The following C15orf39 variants were observed in gnomAD, a reference collection of about 807,000 sequenced individuals.
C15orf39 encodes uncharacterized protein C15orf39.
A neutral mutation model predicts 53.9 loss-of-function variants in C15orf39; 24 were observed. The observed-to-expected ratio is 0.45, with a 90% CI of 0.32 to 0.63. C15orf39 has a LOEUF of 0.63. C15orf39 is among the 20% of genes least tolerant of loss of function. The probability of loss-of-function intolerance (pLI) is 0.04; values close to 1 mark genes in which losing one functional copy is unlikely to be tolerated. For missense variants in C15orf39, 1,271 were observed against 1,347.9 expected, an observed-to-expected ratio of 0.94 and a Z score of 0.89; for synonymous variants, 569 against 576.5, an observed-to-expected ratio of 0.99 and a Z score of 0.19.
At chr15:75,201,137 T>G (rs1238324784), upstream of C15orf39, among the ~76,000 whole-genome samples, 2 of 152,016 alleles carry the variant, frequency 1.3e-5, no homozygotes, top group African/African-American at 4.8e-5. This position sits in a 1 kb window ranked among gnomAD's most constrained non-coding sequence, Gnocchi z 4.7. Context: ...ACTGAGGGGC[T>G]CTCATCCACA....
intron 2 of C15orf39, among the ~76,000 whole-genome samples, chr15:75,210,445 C>T (rs1406978718): frequency 6.6e-6 from 1 of 152,178 alleles, no homozygotes; most frequent in African/African-American, 2.4e-5. Context: ...CTCAGTTTTC[C>T]ATCTGAGCAA....
In C15orf39 at chr15:75,208,260, GC is replaced by G. The variant is rs1413705419; in HGVS notation, c.2215del (p.Arg739GlyfsTer56). 2 of 1,597,380 alleles carry G rather than the reference GC, an allele frequency of 1.3e-6. No individual in the cohort carries two copies. Among genetic ancestry groups the G allele is most frequent in the Non-Finnish European group, 1.7e-6 (2 of 1,171,582 alleles). ...APARAQAPAS[A>X]RDPAPAPAPV... ...GGCTCGAGCTCAGGCTCCAGCTTCA[GC>G]CCGGGATCCAGCTCCAGCTCCAGCT... On this transcript the variant is annotated frameshift_variant, in exon 2 of 3. Coordinates refer to ENST00000394987, the MANE Select transcript of C15orf39 (RefSeq NM_015492.5). LOFTEE classifies it high-confidence loss of function.
chr15:75,211,110 C>T lies in C15orf39; in HGVS notation c.3138C>T (p.His1046=). ...AGCTGCTGGACAGCCAGAGCCATCA[C>T]CTGTAGCACTGGTTGCCAGTGCTGT... ...CPQLLDSQSH[H]L The change falls in exon 3 of 3, where the codon CAC becomes CAT. Residue 1046 remains histidine (H), a synonymous_variant. Transcript: ENST00000394987. 1 of 1,594,856 alleles carries T rather than the reference C, an allele frequency of 6.3e-7. No individual in the cohort carries two copies. Among genetic ancestry groups the T allele is most frequent in the Non-Finnish European group, 8.5e-7 (1 of 1,176,944 alleles).
chr15:75,205,760 G>A (rs556844726), intron 1 of C15orf39, among the ~76,000 whole-genome samples: 1 of 152,222 alleles, frequency 6.6e-6, no homozygotes, highest in South Asian at 2.1e-4. Context: ...AGACTGCGGT[G>A]AGCCAAGTTC....
chr15:75,201,758 C>A (rs2141593505), upstream of C15orf39: 1 of 152,196 alleles, frequency 6.6e-6, no homozygotes, highest in Middle Eastern at 3.4e-3. The surrounding 1 kb of genome is among the most constrained non-coding windows in gnomAD (Gnocchi z 4.7). Context: ...GCTGGCCCCA[C>A]GCGGGCCCTC....
Position 75,207,991 on chromosome 15 carries a change from C to T in C15orf39, c.1943C>T (p.Ala648Val). Residue 648 changes from alanine to valine, a missense_variant, in exon 2 of 3, where the codon GCC becomes GTC. Ala to Val is a moderately conservative substitution (Grantham distance 64). Coordinates refer to ENST00000394987, the MANE Select transcript of C15orf39 (RefSeq NM_015492.5). ...AGGACCAACTTCCACAGCTCTGTGG[C>T]CTTCATGTTCCGAAAGTTCAAGATC... ...MPRTNFHSSV[A>V]FMFRKFKILR... 1 of 1,614,056 alleles carries T rather than the reference C, an allele frequency of 6.2e-7. No individual in the cohort carries two copies. The highest frequency in any genetic ancestry group is 8.5e-7 in the Non-Finnish European group (1 of 1,180,034).
rs1409867968 is a variant in C15orf39 at position 75,207,167 on chromosome 15, C to T, written c.1119C>T (p.Pro373=). Reference sequence around the variant, plus strand: ...CACGGTGCCCATTGGACTTTGCCCCCCAGACACTGAGTTTTCCTTATGCCC... The same window carrying T: ...CACGGTGCCCATTGGACTTTGCCCCTCAGACACTGAGTTTTCCTTATGCCC... ...LTPRCPLDFA[P]QTLSFPYARD... The change falls in exon 2 of 3, where the codon CCC becomes CCT. Residue 373 remains proline, a synonymous_variant. Transcript: ENST00000394987. 1.9e-6 allele frequency: 3 copies of T among 1,613,816 alleles called. No individual in the cohort carries two copies. Among genetic ancestry groups the T allele is most frequent in the African/African-American group, 2.7e-5 (2 of 74,908 alleles).
In C15orf39 at chr15:75,208,528, G is replaced by A. The variant is rs765883591; in HGVS notation, c.2480G>A (p.Arg827His). 55 of 1,577,040 alleles carry A rather than the reference G, an allele frequency of 3.5e-5. No homozygotes were observed. Among genetic ancestry groups the A allele is most frequent in the East Asian group, 7.0e-5 (3 of 43,114 alleles). The change falls in exon 2 of 3, where the codon CGC (arginine) becomes CAC (histidine). Residue 827 changes from arginine (R) to histidine (H), a missense_variant. Physicochemically the swap from Arg to His is conservative, Grantham distance 29. This residue lies in a region of C15orf39 where 277 missense variants were observed against 354.1 expected (regional missense o/e 0.78). Coordinates refer to ENST00000394987, the MANE Select transcript of C15orf39 (RefSeq NM_015492.5). ...KLLSQLQRFD[R>H]THRCPFPHVV... is the part of the protein sequence containing the mutation. ...CTGTCTCAGCTGCAGCGCTTCGATC[G>A]CACCCACCGGTGCCCCTTCCCCCAT... is the stretch of plus-strand genomic sequence containing the variant.
chr15:75,199,449 T>C (rs2070388676), upstream of C15orf39, among the ~76,000 whole-genome samples: 1 of 152,190 alleles, frequency 6.6e-6, no homozygotes, highest in South Asian at 2.1e-4. Context: ...AAAGGTGCCA[T>C]ACTTCTCTGT....
chr15:75,206,335 C>T lies in C15orf39; in HGVS notation c.287C>T (p.Ser96Leu), dbSNP rs370180250. The change falls in exon 2 of 3, where the codon TCG becomes TTG. Residue 96 changes from serine to leucine, a missense_variant. This residue lies in a region of C15orf39 where 994 missense variants were observed against 993.7 expected (regional missense o/e 1.00). Coordinates refer to ENST00000394987, the MANE Select transcript of C15orf39 (RefSeq NM_015492.5). Reference protein sequence around the residue: ...NLLTNCLFYRSPAEGPEKMQD... With the variant: ...NLLTNCLFYRLPAEGPEKMQD... ...CTGACCAACTGCCTGTTCTACCGCT[C>T]GCCAGCAGAAGGCCCTGAGAAGATG... is the stretch of plus-strand genomic sequence containing the variant. 13 of 1,613,956 alleles carry T rather than the reference C, an allele frequency of 8.1e-6. No individual in the cohort carries two copies. Among genetic ancestry groups the T allele is most frequent in the South Asian group, 6.6e-5 (6 of 91,080 alleles).
rs148696243 is a variant in C15orf39 at position 75,207,891 on chromosome 15, C to A, written c.1843C>A (p.Leu615Met). 5.6e-5 allele frequency: 90 copies of A among 1,613,562 alleles called. No homozygotes were observed. In the Middle Eastern group the frequency reaches 8.2e-4, roughly 15 times the overall value. ...AGATGTGGGCAACATGGTGTCAGATCTGCCAGGCCTGAAAAAGATAGACAC... is the reference window on the plus strand; with the variant it reads ...AGATGTGGGCAACATGGTGTCAGATATGCCAGGCCTGAAAAAGATAGACAC... ...VPDVGNMVSDLPGLKKIDTEA... is the reference protein window; with the variant it reads ...VPDVGNMVSDMPGLKKIDTEA... The change falls in exon 2 of 3, where the codon CTG (leucine) becomes ATG (methionine). Residue 615 changes from leucine to methionine, a missense_variant. By Grantham distance (15) the Leu-to-Met change is conservative. Transcript: ENST00000394987.
At position 75,206,389 on chromosome 15, in the gene C15orf39, C is replaced by T; in HGVS notation, c.341C>T (p.Pro114Leu). ...MQDSSPVELL[P>L]FSPQAHSYPG... ...GACTCCAGCCCTGTTGAGCTCCTGC[C>T]CTTCAGTCCCCAGGCTCACTCCTAC... Residue 114 changes from proline to leucine, a missense_variant, in exon 2 of 3, where the codon CCC becomes CTC. Physicochemically the swap from Pro to Leu is moderately conservative, Grantham distance 98. Around this residue, in one of 2 missense-constraint regions of C15orf39, gnomAD observed 994 missense variants for 993.7 expected, o/e 1.00. Transcript: ENST00000394987. 1 of 1,613,992 alleles carries T rather than the reference C, an allele frequency of 6.2e-7. No individual in the cohort carries two copies. Among genetic ancestry groups the T allele is most frequent in the Non-Finnish European group, 8.5e-7 (1 of 1,179,966 alleles).
In C15orf39 at chr15:75,208,843, C is replaced by A. The variant is rs1250539715; in HGVS notation, c.2776+19C>A. 3.8e-6 allele frequency: 6 copies of A among 1,570,482 alleles called. No individual in the cohort carries two copies. The highest frequency in any genetic ancestry group is 5.2e-6 in the Non-Finnish European group (6 of 1,159,270). ...CAGCTGGGTGAGCATGGGGCAGCCC[C>A]AGTGGCCACCGGAGCTGTGTGAGCA... On this transcript the variant is annotated intron_variant, in intron 2 of 2. Coordinates refer to ENST00000394987, the MANE Select transcript of C15orf39 (RefSeq NM_015492.5).
chr15:75,208,639 A>G lies in C15orf39; in HGVS notation c.2591A>G (p.His864Arg), dbSNP rs529267961. ...FPRLPPASVD[H>R]VLQEHRVELR... ...CGGCTGCCACCCGCTTCTGTGGACCATGTGCTGCAGGAGCATCGTGTGGAG... is the reference window on the plus strand; with the variant it reads ...CGGCTGCCACCCGCTTCTGTGGACCGTGTGCTGCAGGAGCATCGTGTGGAG... The change falls in exon 2 of 3, where the codon CAT becomes CGT. Residue 864 changes from histidine (H) to arginine (R), a missense_variant. Transcript: ENST00000394987. The G allele has an allele frequency of 6.2e-7, 1 of 1,602,896 alleles. No individual in the cohort carries two copies. Among genetic ancestry groups the G allele is most frequent in the East Asian group, 2.2e-5 (1 of 44,520 alleles).
chr15:75,208,303 C>T lies in C15orf39; in HGVS notation c.2255C>T (p.Ala752Val). The T allele has an allele frequency of 6.3e-7, 1 of 1,576,526 alleles. No individual in the cohort carries two copies. The highest frequency in any genetic ancestry group is 8.6e-7 in the Non-Finnish European group (1 of 1,160,790). The change falls in exon 2 of 3, where the codon GCT (alanine) becomes GTT (valine). Residue 752 changes from alanine to valine, a missense_variant. Physicochemically the swap from Ala to Val is moderately conservative, Grantham distance 64 (BLOSUM62 0). Around this residue, in one of 2 missense-constraint regions of C15orf39, gnomAD observed 994 missense variants for 993.7 expected, o/e 1.00. Coordinates refer to ENST00000394987, the MANE Select transcript of C15orf39 (RefSeq NM_015492.5). ...APAPAPVAGP[A>V]PASTSAPGDS... is the part of the protein sequence containing the mutation. ...GCTCCAGCTCCAGTTGCAGGCCCTG[C>T]TCCAGCATCTACTTCAGCCCCAGGG...
At position 75,206,860 on chromosome 15, in the gene C15orf39, C is replaced by T; in HGVS notation, c.812C>T (p.Pro271Leu). 1.4e-6 allele frequency: 2 copies of T among 1,475,990 alleles called. No individual in the cohort carries two copies. The highest frequency in any genetic ancestry group is 1.4e-5 in the African/African-American group (1 of 70,138). 91.4% of individuals were successfully genotyped at this position (1,475,990 alleles called of 1,614,324 possible). Residue 271 changes from proline to leucine, a missense_variant, in exon 2 of 3, where the codon CCA becomes CTA. Coordinates refer to ENST00000394987, the MANE Select transcript of C15orf39 (RefSeq NM_015492.5). ...GACACCGGGCCCACCCACTACCCAC[C>T]ACCCCACCACCCACCACCCCACCCT... is the stretch of plus-strand genomic sequence containing the variant. ...CQDTGPTHYPPPHHPPPHPPQ... is the reference protein window; with the variant it reads ...CQDTGPTHYPLPHHPPPHPPQ...
chr15:75,208,003 G>A lies in C15orf39; in HGVS notation c.1955G>A (p.Arg652Gln), dbSNP rs773184230. ...NFHSSVAFMF[R>Q]KFKILRPAPL... is the part of the protein sequence containing the mutation. Reference sequence around the variant, plus strand: ...CACAGCTCTGTGGCCTTCATGTTCCGAAAGTTCAAGATCCTCCGTCCGGCA... The same window carrying A: ...CACAGCTCTGTGGCCTTCATGTTCCAAAAGTTCAAGATCCTCCGTCCGGCA... Residue 652 changes from arginine to glutamine, a missense_variant, in exon 2 of 3, where the codon CGA becomes CAA. Physicochemically the swap from Arg to Gln is conservative, Grantham distance 43. Around this residue, in one of 2 missense-constraint regions of C15orf39, gnomAD observed 994 missense variants for 993.7 expected, o/e 1.00. Transcript: ENST00000394987. The A allele has an allele frequency of 2.3e-5, 37 of 1,613,914 alleles. No homozygotes were observed. Among genetic ancestry groups the A allele is most frequent in the South Asian group, 5.5e-5 (5 of 91,092 alleles).
At chr15:75,203,862 G>A (rs973810887) in intron 1 of C15orf39, among the ~76,000 whole-genome samples, 4 of 152,136 alleles carry the variant, frequency 2.6e-5, no homozygotes, top group Non-Finnish European at 4.4e-5. Context: ...AGTGAGATGG[G>A]GGCTTTCACC....
intron 1 of C15orf39, among the ~76,000 whole-genome samples, chr15:75,203,092 G>A (rs2070415962): frequency 1.3e-5 from 2 of 152,362 alleles, no homozygotes; most frequent in South Asian, 2.1e-4. Context: ...GAGAACACTC[G>A]GCGAGGCCCG....
Sources: allele counts gnomAD v4.1 joint callset (sites outside exome capture counted in the v4.1 genomes callset), GRCh38; gene constraint gnomAD v4.1.1; regional missense constraint gnomAD v4.1.1; non-coding constraint Gnocchi (gnomAD v3.1); transcripts MANE v1.5; gene names NCBI Gene and HGNC (gene_info 2026-07-23, HGNC 2026-07-21).